The following MYO10 variants were observed in gnomAD, a reference collection of about 807,000 sequenced individuals.
The protein encoded by MYO10 is unconventional myosin-X.
MYO10 carries 133 observed loss-of-function variants against 257.3 expected under a neutral mutation model. The ratio of observed to expected loss-of-function variants is 0.52; its 90% CI spans 0.45 to 0.60. MYO10 has a LOEUF of 0.60. MYO10 is among the 20% of genes least tolerant of loss of function. MYO10 has a pLI of 0.00. For synonymous variants in MYO10, 1,104 were observed against 1,028.6 expected, an observed-to-expected ratio of 1.07 and a Z score of -1.40; for missense variants, 2,399 against 2,635.7, an observed-to-expected ratio of 0.91 and a Z score of 1.97.
intron 1 of MYO10, among the ~76,000 whole-genome samples, chr5:16,910,964 A>G (rs1257592152): frequency 6.6e-6 from 1 of 152,182 alleles, no homozygotes; most frequent in Non-Finnish European, 1.5e-5. Context: ...AATAAAAAAA[A>G]AGACATTAAG....
At chr5:16,672,882 C>T (rs1341471333) in intron 36 of MYO10, 57 bp from the exon 37 acceptor site, 1 of 1,571,462 alleles carries the variant, frequency 6.4e-7, no homozygotes, top group East Asian at 2.3e-5. Context: ...AACACGTGTT[C>T]CCAGAACGTG....
Position 16,757,811 on chromosome 5 carries a change from T to G in MYO10, c.1848+307A>C, listed in dbSNP as rs114772324. 5.2e-3 allele frequency among the ~76,000 whole-genome samples: 790 copies of G among 152,224 alleles called. 6 individuals carry two copies. Among genetic ancestry groups the G allele is most frequent in the Non-Finnish European group, 7.4e-3 (502 of 68,006 alleles). On this transcript the variant is annotated intron_variant, in intron 18 of 40. Transcript: ENST00000513610. ...TCCTGAGTAGCTGGGACTACAGGCA[T>G]GCGCCACCGCACCCAGATAATTTCT...
chr5:16,897,746 T>C (rs1372419279), intron 1 of MYO10, among the ~76,000 whole-genome samples: 1 of 152,200 alleles, frequency 6.6e-6, no homozygotes, highest in Non-Finnish European at 1.5e-5. Context: ...CGTCATGGGC[T>C]ACAAGATCTA....
At chr5:16,828,729 GTTTGT>G (rs568808227) in intron 2 of MYO10, among the ~76,000 whole-genome samples, 14 of 151,876 alleles carry the variant, frequency 9.2e-5, no homozygotes, top group African/African-American at 9.7e-5. Context: ...GGTACACTAA[GTTTGT>G]TTTGTTTTGT....
intron 1 of MYO10, among the ~76,000 whole-genome samples, chr5:16,900,849 C>T (rs929446756): frequency 6.6e-6 from 1 of 150,820 alleles, no homozygotes; most frequent in Non-Finnish European, 1.5e-5. Context: ...AAACAATTCT[C>T]CTGCCTCAGC....
At chr5:16,823,446 C>CGGCGGG (rs1171973848) in intron 2 of MYO10, among the ~76,000 whole-genome samples, 1 of 4,192 alleles carries the variant, frequency 2.4e-4, no homozygotes, top group African/African-American at 6.0e-4. Flanking sequence ...CTCCATCTTG[C>CGGCGGG]GCGGGGGGGG....
intron 1 of MYO10, among the ~76,000 whole-genome samples, chr5:16,895,757 C>CACACACAT: frequency 4.0e-5 from 1 of 24,846 alleles, no homozygotes; most frequent in East Asian, 4.5e-4. Flanking sequence ...CACCACAACA[C>CACACACAT]ACACACACAC....
At chr5:16,848,696 C>A (rs1403101304) in intron 2 of MYO10, among the ~76,000 whole-genome samples, 1 of 152,000 alleles carries the variant, frequency 6.6e-6, no homozygotes, top group Non-Finnish European at 1.5e-5. Flanking sequence ...GGCAGAAGGG[C>A]TAGTCTCTGC....
At chr5:16,835,394 G>A (rs1479940371) in intron 2 of MYO10, among the ~76,000 whole-genome samples, 1 of 151,108 alleles carries the variant, frequency 6.6e-6, no homozygotes, top group African/African-American at 2.4e-5. Context: ...TTAGCCGGGC[G>A]TTGTGGAGCA....
chr5:16,709,911 T>C (rs1738519487), intron 21 of MYO10, among the ~76,000 whole-genome samples: 1 of 152,182 alleles, frequency 6.6e-6, no homozygotes, highest in Non-Finnish European at 1.5e-5. Context: ...AGGTCCATCA[T>C]GACTTTCCCT....
At chr5:16,779,261 G>A (rs1433974150) in intron 9 of MYO10, among the ~76,000 whole-genome samples, 2 of 152,102 alleles carry the variant, frequency 1.3e-5, no homozygotes, top group South Asian at 2.1e-4. Context: ...GGGGTGGAAG[G>A]TACACTTTCT....
intron 17 of MYO10, among the ~76,000 whole-genome samples, chr5:16,760,348 C>T (rs1450214334): frequency 6.7e-6 from 1 of 149,824 alleles, no homozygotes; most frequent in African/African-American, 2.5e-5. Context: ...GTAGTCCCAG[C>T]TACTCGGGAG....
chr5:16,675,208 C>G, intron 34 of MYO10, 58 bp from the exon 35 acceptor site: 1 of 1,567,162 alleles, frequency 6.4e-7, no homozygotes, highest in African/African-American at 1.4e-5. Flanking sequence ...AGGGCATGAG[C>G]ATAATCGGAG....
intron 5 of MYO10, among the ~76,000 whole-genome samples, chr5:16,782,457 G>A (rs1454476936): frequency 1.3e-5 from 2 of 152,210 alleles, no homozygotes; most frequent in African/African-American, 4.8e-5. Flanking sequence ...ACAGGAGGAA[G>A]ATGAAGTTTT....
At position 16,794,841 on chromosome 5, in the gene MYO10, C is replaced by T; in HGVS notation, c.280-8G>A. 6.7e-7 allele frequency: 1 copy of T among 1,493,180 alleles called. No homozygotes were observed. The highest frequency in any genetic ancestry group is 9.0e-7 in the Non-Finnish European group (1 of 1,114,822). 92.5% of individuals were successfully genotyped at this position (1,493,180 alleles called of 1,614,324 possible). ...GATGGAGCCGATGTAGGTCTGCAAG[C>T]ACAGAGTGAGACAGGGATGCGTCAC... On this transcript the variant is annotated splice_polypyrimidine_tract_variant and splice_region_variant and intron_variant, in intron 3 of 40. Coordinates refer to ENST00000513610, the MANE Select transcript of MYO10 (RefSeq NM_012334.3).
At chr5:16,829,897 A>ACACG (rs1554000739) in intron 2 of MYO10, among the ~76,000 whole-genome samples, 4 of 148,766 alleles carry the variant, frequency 2.7e-5, no homozygotes, top group Non-Finnish European at 4.5e-5. Flanking sequence ...ACACACACAC[A>ACACG]CACACGCACA....
At chr5:16,742,825 T>G (rs1227063292) in intron 19 of MYO10, among the ~76,000 whole-genome samples, 1 of 140,398 alleles carries the variant, frequency 7.1e-6, no homozygotes, top group Non-Finnish European at 1.5e-5. Flanking sequence ...AAAAAAAAAA[T>G]ACATACATAA....
Position 16,710,946 on chromosome 5 carries a change from C to CAT in MYO10, c.2129_2130dup (p.Asp711MetfsTer33), listed in dbSNP as rs1480571774. The CAT allele has an allele frequency of 6.2e-7, 1 of 1,613,878 alleles. No homozygotes were observed. Among genetic ancestry groups the CAT allele is most frequent in the Admixed American group, 1.7e-5 (1 of 60,018 alleles). On this transcript the variant is annotated frameshift_variant, in exon 21 of 41. Coordinates refer to ENST00000513610, the MANE Select transcript of MYO10 (RefSeq NM_012334.3). LOFTEE classifies it high-confidence loss of function. ...AGCTGCCACTCGCTGTTGGAGGCAT[C>CAT]ATAGAGCTGCAGCAGGCTCGTGCAC...
chr5:16,897,744 G>A (rs941739635), intron 1 of MYO10, among the ~76,000 whole-genome samples: 11 of 152,190 alleles, frequency 7.2e-5, no homozygotes, highest in African/African-American at 2.7e-4. Context: ...GCCGTCATGG[G>A]CTACAAGATC....
Sources: allele counts gnomAD v4.1 joint callset (sites outside exome capture counted in the v4.1 genomes callset), GRCh38; gene constraint gnomAD v4.1.1; transcripts MANE v1.5; gene names NCBI Gene and HGNC (gene_info 2026-07-23, HGNC 2026-07-21).